ADK: variants seen among roughly 807,000 people sequenced by gnomAD.
ADK encodes adenosine kinase, also known as N6,N6-dimethyladenosine kinase.
A neutral mutation model predicts 44.7 loss-of-function variants in ADK; 24 were observed. The observed-to-expected ratio is 0.54, with a 90% CI of 0.39 to 0.76. The LOEUF (loss-of-function observed/expected upper bound fraction) is 0.76. Among genes scored for constraint, ADK ranks in the 30% least tolerant of loss-of-function variants. ADK has a pLI of 0.00. For synonymous variants in ADK, 128 were observed against 142.6 expected (o/e 0.90, Z 0.73); for missense variants, 321 against 425.1 (o/e 0.76, Z 2.15).
At chr10:74,436,304 G>A (rs1278879936) in intron 6 of ADK, among the ~76,000 whole-genome samples, 2 of 152,142 alleles carry the variant, frequency 1.3e-5, no homozygotes, top group Non-Finnish European at 2.9e-5. Flanking sequence ...CTACTTGGGA[G>A]GCTGAGGCAG....
At chr10:74,424,669 A>G (rs1444928182) in intron 6 of ADK, among the ~76,000 whole-genome samples, 1 of 151,844 alleles carries the variant, frequency 6.6e-6, no homozygotes, top group African/African-American at 2.4e-5. Flanking sequence ...ATGTATCACT[A>G]ACTGTTCTAC....
intron 3 of ADK, among the ~76,000 whole-genome samples, chr10:74,245,312 A>T (rs1002785846): frequency 1.7e-4 from 26 of 152,142 alleles, no homozygotes; most frequent in Non-Finnish European, 3.7e-4. Flanking sequence ...CATAATCCTC[A>T]TACATACCCT....
Position 74,525,465 on chromosome 10 carries a change from T to G in ADK, c.726+39T>G, listed in dbSNP as rs768042229. The G allele has an allele frequency of 3.1e-4, 484 of 1,542,016 alleles. 3 individuals carry two copies. The Middle Eastern group carries it at 8.8e-3, about 28-fold the overall frequency. ...CCTTTTTCAAAAGAACCTGGGGGTT[T>G]TTTGTTTGTTTATTTCTGATGTGTG... On this transcript the variant is annotated intron_variant, in intron 7 of 10. Transcript: ENST00000539909.
chr10:74,226,143 C>T (rs1777382008), intron 3 of ADK, among the ~76,000 whole-genome samples: 4 of 151,698 alleles, frequency 2.6e-5, no homozygotes, highest in South Asian at 2.1e-4. Flanking sequence ...ACTCTTGCTC[C>T]GTCACCTAGG....
chr10:74,551,546 T>C lies in ADK; in HGVS notation c.726+26120T>C, dbSNP rs149696712. Reference sequence around the variant, plus strand: ...GTTGGATGTGTCAAAATTGAGGACCTTTCCCCAGAAGACATTGTGAAAGTG... The same window carrying C: ...GTTGGATGTGTCAAAATTGAGGACCCTTCCCCAGAAGACATTGTGAAAGTG... On this transcript the variant is annotated intron_variant, in intron 7 of 10. Coordinates refer to ENST00000539909, the MANE Select transcript of ADK (RefSeq NM_006721.4). The C allele has an allele frequency of 2.6e-5, 4 of 152,306 alleles. No individual in the cohort carries two copies. The East Asian group carries it at 5.8e-4, about 22-fold the overall frequency. The allele number at this position is 152,306 out of a possible 1,614,324, so 9.4% of individuals were successfully genotyped here.
chr10:74,192,925 C>T (rs555608388), intron 1 of ADK, among the ~76,000 whole-genome samples: 2 of 152,236 alleles, frequency 1.3e-5, no homozygotes, highest in African/African-American at 2.4e-5. Context: ...TAGTGTGATT[C>T]TTTAATTTTT....
chr10:74,237,164 G>C (rs1444225097), intron 3 of ADK, among the ~76,000 whole-genome samples: 1 of 152,218 alleles, frequency 6.6e-6, no homozygotes, highest in East Asian at 1.9e-4. Flanking sequence ...TGGAAAATTG[G>C]AGTCAGTCCT....
intron 6 of ADK, among the ~76,000 whole-genome samples, chr10:74,404,280 A>T (rs1843828963): frequency 6.6e-6 from 1 of 151,568 alleles, no homozygotes; most frequent in Non-Finnish European, 1.5e-5. Context: ...CCTTGCTGCT[A>T]TTTTTGTTTA....
intron 10 of ADK, among the ~76,000 whole-genome samples, chr10:74,690,316 G>A (rs1331175004): frequency 6.6e-6 from 1 of 152,176 alleles, no homozygotes; most frequent in African/African-American, 2.4e-5. Flanking sequence ...GAAACATGGG[G>A]AAACCCCATC....
chr10:74,341,029 T>C lies in ADK; in HGVS notation c.273+26284T>C, dbSNP rs375291383. 2.3e-4 allele frequency among the ~76,000 whole-genome samples: 35 copies of C among 152,308 alleles called. 1 individual carries two copies. The highest frequency in any genetic ancestry group is 6.8e-3 in the Middle Eastern group (2 of 294). On this transcript the variant is annotated intron_variant, in intron 4 of 10. Transcript: ENST00000539909. ...TATCATTATCCTTTATGTCAGAAAC[T>C]TAGAGTGAAATCTTATTAGCTTGAT...
intron 1 of ADK, chr10:74,176,744 T>C: frequency 6.6e-7 from 1 of 1,518,576 alleles, no homozygotes; most frequent in Non-Finnish European, 8.8e-7. Flanking sequence ...GCGCGCGGGG[T>C]GTGTGAGGAC....
chr10:74,521,316 C>T (rs1848824597), intron 6 of ADK, among the ~76,000 whole-genome samples: 1 of 151,996 alleles, frequency 6.6e-6, no homozygotes, highest in African/African-American at 2.4e-5. Flanking sequence ...ATAAAATTAA[C>T]AAAATTGACA....
chr10:74,656,463 G>C (rs779850627), intron 9 of ADK, among the ~76,000 whole-genome samples: 6 of 152,196 alleles, frequency 3.9e-5, no homozygotes, highest in Admixed American at 6.5e-5. Flanking sequence ...GAAGGTGCAG[G>C]CTTTTGGTGG....
chr10:74,185,300 G>A (rs555343679), intron 1 of ADK, among the ~76,000 whole-genome samples: 6 of 152,276 alleles, frequency 3.9e-5, no homozygotes, highest in African/African-American at 4.8e-5. Context: ...GCTGGGCTAA[G>A]GTTTTCTGCG....
chr10:74,615,967 C>G (rs544877246), intron 9 of ADK, among the ~76,000 whole-genome samples: 1 of 152,242 alleles, frequency 6.6e-6, no homozygotes, highest in African/African-American at 2.4e-5. Context: ...CCTCGGCCTC[C>G]CAAAGTGCTG....
intron 9 of ADK, among the ~76,000 whole-genome samples, chr10:74,665,580 T>A (rs963426335): frequency 5.3e-5 from 8 of 151,724 alleles, no homozygotes; most frequent in African/African-American, 1.2e-4. Flanking sequence ...AAAAAAAATT[T>A]AAAAATTAGC....
intron 3 of ADK, among the ~76,000 whole-genome samples, chr10:74,265,219 A>ATTT (rs778762194): frequency 6.9e-6 from 1 of 144,540 alleles, no homozygotes. Flanking sequence ...AAATACTACA[A>ATTT]TTTTTTTTTT....
chr10:74,282,433 C>T (rs147692242), intron 3 of ADK, among the ~76,000 whole-genome samples: 3 of 152,112 alleles, frequency 2.0e-5, no homozygotes, highest in East Asian at 1.9e-4. Flanking sequence ...ATGGTGATAC[C>T]GAAGTACTTA....
chr10:74,220,725 C>T (rs1410585861), intron 2 of ADK, among the ~76,000 whole-genome samples: 1 of 152,160 alleles, frequency 6.6e-6, no homozygotes, highest in Non-Finnish European at 1.5e-5. Context: ...ATACGCAAAT[C>T]AATAAATGTA....
Sources: gnomAD v4.1 joint callset for allele counts (sites outside exome capture counted in the v4.1 genomes callset) on GRCh38, gnomAD v4.1.1 for gene constraint, MANE v1.5 for transcripts, NCBI Gene and HGNC (gene_info 2026-07-23, HGNC 2026-07-21) for gene names.